The following SLC25A26 variants were observed in gnomAD, a reference collection of about 807,000 sequenced individuals.
The protein encoded by SLC25A26 is mitochondrial S-adenosylmethionine carrier protein.
Under a neutral mutation model 37.8 loss-of-function variants are expected in SLC25A26, and 36 were observed. The observed-to-expected ratio is 0.95, with a 90% CI of 0.73 to 1.26. The LOEUF (loss-of-function observed/expected upper bound fraction) is 1.26, where lower values mean the gene tolerates loss of function less well. Ranked by LOEUF, SLC25A26 falls within the 50% of genes most tolerant of loss-of-function variation. The pLI, the probability that SLC25A26 is intolerant of heterozygous loss-of-function variation, is 0.00. For missense variants in SLC25A26, 390 were observed against 331.1 expected, an observed-to-expected ratio of 1.18 and a Z score of -1.38; for synonymous variants, 129 against 122.5, an observed-to-expected ratio of 1.05 and a Z score of -0.35.
intron 1 of SLC25A26, among the ~76,000 whole-genome samples, chr3:66,187,353 T>C (rs1307994606): frequency 6.6e-6 from 1 of 151,992 alleles, no homozygotes; most frequent in Non-Finnish European, 1.5e-5. Context: ...CATCCAGAAT[T>C]GGACCTTTAT....
At chr3:66,302,363 C>T (rs1356518035) in intron 5 of SLC25A26, among the ~76,000 whole-genome samples, 2 of 152,184 alleles carry the variant, frequency 1.3e-5, no homozygotes, top group Admixed American at 6.5e-5. Flanking sequence ...GGTATCTGGT[C>T]ATAGTGGGCC....
intron 5 of SLC25A26, among the ~76,000 whole-genome samples, chr3:66,338,947 G>A (rs951932196): frequency 6.6e-6 from 1 of 151,958 alleles, no homozygotes; most frequent in African/African-American, 2.4e-5. Flanking sequence ...CCATCCCGTT[G>A]TATGTATATA....
rs1700800577 is a variant in SLC25A26 at position 66,378,306 on chromosome 3, G to C, written c.*499G>C. 1 of 153,038 alleles carries C rather than the reference G, an allele frequency of 6.5e-6. No individual in the cohort carries two copies. Among genetic ancestry groups the C allele is most frequent in the Non-Finnish European group, 1.5e-5 (1 of 68,346 alleles). 9.5% of individuals were successfully genotyped at this position (153,038 alleles called of 1,614,324 possible). On this transcript the variant is annotated 3_prime_UTR_variant, in exon 10 of 10. Coordinates refer to ENST00000354883, the MANE Select transcript of SLC25A26 (RefSeq NM_001379210.1). Reference sequence around the variant, plus strand: ...CTTTGTTGAAAAAGAAAGAAAGATTGAACTACAGGTGCATAGCAAGCACTC... The same window carrying C: ...CTTTGTTGAAAAAGAAAGAAAGATTCAACTACAGGTGCATAGCAAGCACTC...
chr3:66,322,749 C>T (rs1200727776), intron 5 of SLC25A26, among the ~76,000 whole-genome samples: 1 of 140,270 alleles, frequency 7.1e-6, no homozygotes, highest in Non-Finnish European at 1.5e-5. Flanking sequence ...GCTCAGCACT[C>T]AGTCAGTGGT....
At chr3:66,298,037 G>A (rs954211502) in intron 5 of SLC25A26, among the ~76,000 whole-genome samples, 2 of 152,194 alleles carry the variant, frequency 1.3e-5, no homozygotes, top group African/African-American at 2.4e-5. Context: ...AATAGCAGCT[G>A]CATTCCCTAG....
At chr3:66,312,507 G>T (rs918833516) in intron 5 of SLC25A26, among the ~76,000 whole-genome samples, 2 of 151,448 alleles carry the variant, frequency 1.3e-5, no homozygotes, top group African/African-American at 4.9e-5. Context: ...TGTCTCACTG[G>T]GGTTCCAGGT....
At chr3:66,243,727 A>G (rs949851234) in intron 3 of SLC25A26, among the ~76,000 whole-genome samples, 1 of 152,202 alleles carries the variant, frequency 6.6e-6, no homozygotes, top group Admixed American at 6.5e-5. Context: ...TTTGTAAGGT[A>G]GAAGTGAAGA....
At chr3:66,295,516 C>G (rs2074870870) in intron 5 of SLC25A26, among the ~76,000 whole-genome samples, 1 of 151,884 alleles carries the variant, frequency 6.6e-6, no homozygotes, top group South Asian at 2.1e-4. Flanking sequence ...ATTCTTCTGC[C>G]TCAGCCTCCT....
At position 66,141,282 on chromosome 3, in the gene SLC25A26, C is replaced by T. The variant is rs142442778; in HGVS notation, c.-354+7298C>T. Among the ~76,000 whole-genome samples, 349 of 151,402 alleles carry T rather than the reference C, an allele frequency of 2.3e-3. 6 individuals carry two copies. The highest frequency in any genetic ancestry group is 0.02 in the Admixed American group (298 of 15,122). ...ACCAAATATTTTTTTCTAATTTTCT[C>T]GAGCTGGGGTCTTGCTGCATATGTG... On this transcript the variant is annotated intron_variant, in intron 1 of 10. Transcript: ENST00000676754.
At chr3:66,341,977 T>C (rs1388944905) in intron 5 of SLC25A26, among the ~76,000 whole-genome samples, 2 of 152,176 alleles carry the variant, frequency 1.3e-5, no homozygotes, top group Non-Finnish European at 1.5e-5. Flanking sequence ...GGTCTTCAAC[T>C]TCATTTGTCC....
rs183636552 is a variant in SLC25A26, at chr3:66,252,193, T to C, written c.300+8881T>C. ...CTGTCAGTGACAAACCTTTATTTCC[T>C]AAAATATTGCCTTGTTAAGATTAGG... On this transcript the variant is annotated intron_variant, in intron 3 of 9. Coordinates refer to ENST00000354883, the MANE Select transcript of SLC25A26 (RefSeq NM_001379210.1). Among the ~76,000 whole-genome samples the C allele has an allele frequency of 3.3e-5, 5 of 152,364 alleles. No homozygotes were observed. In the East Asian group the frequency reaches 9.6e-4, roughly 29 times the overall value.
intron 5 of SLC25A26, among the ~76,000 whole-genome samples, chr3:66,319,524 T>C (rs935660911): frequency 3.9e-5 from 6 of 152,170 alleles, no homozygotes; most frequent in African/African-American, 9.7e-5. Flanking sequence ...AGCATTCTTA[T>C]ACCTTCCTTA....
chr3:66,204,585 T>C, intron 1 of SLC25A26, among the ~76,000 whole-genome samples: 1 of 152,260 alleles, frequency 6.6e-6, no homozygotes, highest in East Asian at 1.9e-4. Flanking sequence ...AAAGCATTAA[T>C]TAGAATGCTA....
intron 7 of SLC25A26, among the ~76,000 whole-genome samples, chr3:66,363,699 A>G (rs2076764012): frequency 6.6e-6 from 1 of 152,224 alleles, no homozygotes; most frequent in Admixed American, 6.5e-5. Flanking sequence ...ATGTGAAGCC[A>G]GTAGGGGAGG....
chr3:66,206,193 A>C (rs2071174189), intron 1 of SLC25A26, among the ~76,000 whole-genome samples: 1 of 152,200 alleles, frequency 6.6e-6, no homozygotes, highest in Non-Finnish European at 1.5e-5. Flanking sequence ...GGATGTTTTC[A>C]GTGTGCCAGG....
At chr3:66,211,597 C>T (rs1268067078) in intron 1 of SLC25A26, among the ~76,000 whole-genome samples, 6 of 151,970 alleles carry the variant, frequency 3.9e-5, no homozygotes, top group African/African-American at 1.5e-4. Context: ...GAGGAGAGAG[C>T]TTTGATTATT....
intron 5 of SLC25A26, among the ~76,000 whole-genome samples, chr3:66,267,026 A>T (rs148476417): frequency 6.6e-6 from 1 of 152,296 alleles, no homozygotes; most frequent in Non-Finnish European, 1.5e-5. Context: ...TCCTTTCTGG[A>T]GTGCCTACTG....
chr3:66,220,220 A>G (rs537877861), upstream of SLC25A26, among the ~76,000 whole-genome samples: 1 of 152,344 alleles, frequency 6.6e-6, no homozygotes, highest in African/African-American at 2.4e-5. Flanking sequence ...AAATGAGGAC[A>G]CTAGTGTTGC....
At chr3:66,163,570 A>C (rs1250735687) in intron 1 of SLC25A26, among the ~76,000 whole-genome samples, 1 of 152,176 alleles carries the variant, frequency 6.6e-6, no homozygotes, top group Non-Finnish European at 1.5e-5. Context: ...AATCATTCTC[A>C]TTATGCTCTC....
Sources: gnomAD v4.1 joint callset for allele counts (sites outside exome capture counted in the v4.1 genomes callset) on GRCh38, gnomAD v4.1.1 for gene constraint, MANE v1.5 for transcripts, NCBI Gene and HGNC (gene_info 2026-07-23, HGNC 2026-07-21) for gene names.